The following ACSM1 variants were observed in gnomAD, a reference collection of about 807,000 sequenced individuals.
The protein encoded by ACSM1 is acyl-coenzyme A synthetase ACSM1, mitochondrial.
ACSM1 carries 79 observed loss-of-function variants against 75.8 expected under a neutral mutation model. The ratio of observed to expected loss-of-function variants is 1.04; its 90% CI spans 0.87 to 1.26. The LOEUF is 1.26. Among genes scored for constraint, ACSM1 ranks in the 50% most tolerant of loss-of-function variants. ACSM1 has a pLI of 0.00. For synonymous variants in ACSM1, 279 were observed against 265.8 expected, an observed-to-expected ratio of 1.05 and a Z score of -0.48; for missense variants, 676 against 720.1, an observed-to-expected ratio of 0.94 and a Z score of 0.70.
intron 3 of ACSM1, among the ~76,000 whole-genome samples, chr16:20,684,685 C>T (rs752413176): frequency 1.4e-4 from 21 of 152,086 alleles, no homozygotes; most frequent in Admixed American, 2.6e-4. Flanking sequence ...TGAGTGTTTA[C>T]CTGGTGTTCA....
intron 2 of ACSM1, 63 bp from the exon 3 acceptor site, chr16:20,685,466 T>A: frequency 6.9e-7 from 1 of 1,444,482 alleles, no homozygotes; most frequent in Non-Finnish European, 9.7e-7. Flanking sequence ...CTTAGTAAAC[T>A]AATCCACAGC....
At chr16:20,662,237 T>A (rs913750844) in intron 6 of ACSM1, among the ~76,000 whole-genome samples, 2 of 152,132 alleles carry the variant, frequency 1.3e-5, no homozygotes, top group Non-Finnish European at 2.9e-5. Flanking sequence ...AGGGGCTTGA[T>A]GGAAGAGGTG....
At chr16:20,642,766 A>G (rs1421910123) in intron 7 of ACSM1, among the ~76,000 whole-genome samples, 1 of 152,252 alleles carries the variant, frequency 6.6e-6, no homozygotes, top group African/African-American at 2.4e-5. Flanking sequence ...AGGGAGGCAC[A>G]TATTCCTATA....
chr16:20,655,203 A>C (rs1044724195), intron 7 of ACSM1, among the ~76,000 whole-genome samples: 6 of 141,472 alleles, frequency 4.2e-5, no homozygotes, highest in Non-Finnish European at 6.0e-5. Flanking sequence ...AACAATGAGA[A>C]TACATGGACA....
At chr16:20,668,820 G>A (rs1167379352) in intron 6 of ACSM1, among the ~76,000 whole-genome samples, 1 of 152,196 alleles carries the variant, frequency 6.6e-6, no homozygotes. Flanking sequence ...GAAAAGATGG[G>A]TTGACCCAGT....
chr16:20,667,929 C>T (rs1473428598), intron 6 of ACSM1, among the ~76,000 whole-genome samples: 1 of 152,076 alleles, frequency 6.6e-6, no homozygotes, highest in Non-Finnish European at 1.5e-5. Context: ...TTTTTTCTCA[C>T]TTATAAGTGG....
At chr16:20,682,104 G>A in intron 4 of ACSM1, 152 bp downstream of exon 4, 1 of 706,054 alleles carries the variant, frequency 1.4e-6, no homozygotes, top group East Asian at 2.8e-5. Flanking sequence ...CTGACTCTTT[G>A]TTCAGGGCTC....
At chr16:20,684,234 A>G (rs928086673) in intron 3 of ACSM1, among the ~76,000 whole-genome samples, 2 of 152,228 alleles carry the variant, frequency 1.3e-5, no homozygotes, top group Non-Finnish European at 2.9e-5. Flanking sequence ...ACATGGTAAT[A>G]TTCAATTAGG....
At chr16:20,650,831 G>T (rs1039170496) in intron 7 of ACSM1, among the ~76,000 whole-genome samples, 11 of 152,048 alleles carry the variant, frequency 7.2e-5, no homozygotes, top group Non-Finnish European at 1.0e-4. Context: ...CATTAAGGAA[G>T]AAGATTCCTA....
chr16:20,660,393 C>T (rs952701148), intron 7 of ACSM1, among the ~76,000 whole-genome samples: 6 of 152,132 alleles, frequency 3.9e-5, no homozygotes, highest in Non-Finnish European at 5.9e-5. Context: ...CACCTCACTA[C>T]CCTCTCCTGA....
chr16:20,661,044 A>G (rs894582714), intron 7 of ACSM1, among the ~76,000 whole-genome samples: 1 of 152,170 alleles, frequency 6.6e-6, no homozygotes, highest in Non-Finnish European at 1.5e-5. Context: ...GTGACCCGCA[A>G]TTCCTCTCCT....
chr16:20,629,147 G>A (rs569926431), intron 10 of ACSM1, among the ~76,000 whole-genome samples: 69 of 152,230 alleles, frequency 4.5e-4, no homozygotes, highest in African/African-American at 1.6e-3. Context: ...GAGACTATGA[G>A]AAAATTGTTT....
intron 7 of ACSM1, among the ~76,000 whole-genome samples, chr16:20,655,127 T>C (rs1165048463): frequency 1.3e-5 from 2 of 151,660 alleles, no homozygotes; most frequent in Non-Finnish European, 2.9e-5. Flanking sequence ...AAACCATCAT[T>C]CTCAGCAAAC....
intron 7 of ACSM1, among the ~76,000 whole-genome samples, chr16:20,640,819 G>A (rs1182403443): frequency 6.6e-6 from 1 of 152,180 alleles, no homozygotes; most frequent in East Asian, 1.9e-4. Flanking sequence ...TGTTCAATTG[G>A]GAATGTTTGG....
At chr16:20,685,041 G>A (rs2079521218) in intron 3 of ACSM1, 152 bp downstream of exon 3, 1 of 721,654 alleles carries the variant, frequency 1.4e-6, no homozygotes, top group African/African-American at 1.8e-5. Context: ...CCACAGGGCA[G>A]GAAGCCTTGC....
intron 4 of ACSM1, among the ~76,000 whole-genome samples, chr16:20,675,510 G>A (rs1044544922): frequency 6.6e-6 from 1 of 152,168 alleles, no homozygotes; most frequent in African/African-American, 2.4e-5. Context: ...ACCTTAGAGT[G>A]AAAGTGCACC....
intron 11 of ACSM1, among the ~76,000 whole-genome samples, chr16:20,626,833 C>T (rs2016952507): frequency 6.6e-6 from 1 of 151,874 alleles, no homozygotes; most frequent in Non-Finnish European, 1.5e-5. Flanking sequence ...TATGTTTGTC[C>T]TGTGACATTT....
At chr16:20,650,256 T>G (rs1230426893) in intron 7 of ACSM1, among the ~76,000 whole-genome samples, 1 of 152,182 alleles carries the variant, frequency 6.6e-6, no homozygotes, top group East Asian at 1.9e-4. Context: ...TTCATCTCAG[T>G]GCATTTGCAT....
At chr16:20,657,942 A>AT (rs1333978544) in intron 7 of ACSM1, among the ~76,000 whole-genome samples, 1 of 152,056 alleles carries the variant, frequency 6.6e-6, no homozygotes, top group Non-Finnish European at 1.5e-5. Context: ...TGAACTCATC[A>AT]TTTTTTGTGG....
Sources: gnomAD v4.1 joint callset for allele counts (sites outside exome capture counted in the v4.1 genomes callset) on GRCh38, gnomAD v4.1.1 for gene constraint, MANE v1.5 for transcripts, NCBI Gene and HGNC (gene_info 2026-07-23, HGNC 2026-07-21) for gene names.